The following TPD52L1 variants were observed in gnomAD, a reference collection of about 807,000 sequenced individuals.
TPD52L1 encodes the protein TPD52 like 1.
TPD52L1 carries 18 observed loss-of-function variants against 28.7 expected under a neutral mutation model. The observed-to-expected ratio is 0.63, with a 90% CI of 0.43 to 0.93. The LOEUF is 0.93. TPD52L1 is among the 40% of genes least tolerant of loss of function. TPD52L1 has a pLI of 0.00. For synonymous variants in TPD52L1, 75 were observed against 88.8 expected (o/e 0.84, Z 0.88); for missense variants, 203 against 254.8 (o/e 0.80, Z 1.39).
chr6:125,251,954 C>T, intron 4 of TPD52L1: 1 of 1,504,422 alleles, frequency 6.6e-7, no homozygotes, highest in Non-Finnish European at 8.9e-7. Context: ...AAGGGCAGTG[C>T]AGTGTTTCTC....
At chr6:125,219,424 C>T (rs888910266) in intron 1 of TPD52L1, among the ~76,000 whole-genome samples, 6 of 152,218 alleles carry the variant, frequency 3.9e-5, no homozygotes, top group African/African-American at 1.2e-4. Context: ...CCAACTGCTT[C>T]GAGCCACATC....
Position 125,245,779 on chromosome 6 carries a change from G to C in TPD52L1, c.285-2503G>C, listed in dbSNP as rs144568852. Among the ~76,000 whole-genome samples, 461 of 152,298 alleles carry C rather than the reference G, an allele frequency of 3.0e-3. 2 individuals carry two copies. The highest frequency in any genetic ancestry group is 5.3e-3 in the Non-Finnish European group (360 of 68,028). ...CCTGCAGTGCTCTGCTAATAGAGCC[G>C]AGTTTCCATCCAGGCAGCCTGTGCA... On this transcript the variant is annotated intron_variant, in intron 3 of 6. Coordinates refer to ENST00000534000, the MANE Select transcript of TPD52L1 (RefSeq NM_003287.4).
At chr6:125,189,787 C>A (rs1311145343) in intron 1 of TPD52L1, among the ~76,000 whole-genome samples, 1 of 152,010 alleles carries the variant, frequency 6.6e-6, no homozygotes, top group Non-Finnish European at 1.5e-5. Flanking sequence ...TGAAGGAACT[C>A]GATTTTATTT....
chr6:125,252,083 G>GC (rs1485902545), intron 4 of TPD52L1: 1 of 1,534,826 alleles, frequency 6.5e-7, no homozygotes, highest in Non-Finnish European at 8.7e-7. Context: ...CTCCCTTGCT[G>GC]CCCCTTTGCT....
intron 1 of TPD52L1, among the ~76,000 whole-genome samples, chr6:125,163,636 G>A (rs1790674804): frequency 6.7e-6 from 1 of 150,238 alleles, no homozygotes. Flanking sequence ...TATTTAATAA[G>A]TACAACAGGC....
intron 5 of TPD52L1, 161 bp downstream of exon 5, chr6:125,253,916 T>C (rs1254419763): frequency 2.5e-6 from 2 of 804,136 alleles, no homozygotes; most frequent in African/African-American, 1.7e-5. Flanking sequence ...ATTGCGTAGC[T>C]TGGGCTTTTG....
intron 1 of TPD52L1, among the ~76,000 whole-genome samples, chr6:125,216,531 A>G (rs1317279854): frequency 3.9e-3 from 37 of 9,590 alleles, no homozygotes; most frequent in Middle Eastern, 0.038. Flanking sequence ...ATGTGTGTGT[A>G]TATATATATA....
At chr6:125,242,484 C>T (rs1359246308) in intron 3 of TPD52L1, among the ~76,000 whole-genome samples, 1 of 152,056 alleles carries the variant, frequency 6.6e-6, no homozygotes, top group Non-Finnish European at 1.5e-5. Context: ...GTATTCGGTG[C>T]ATATGTATTT....
At chr6:125,155,576 G>A (rs2114720171) in intron 1 of TPD52L1, among the ~76,000 whole-genome samples, 1 of 152,338 alleles carries the variant, frequency 6.6e-6, no homozygotes, top group South Asian at 2.1e-4. Context: ...GAAGAGCAAA[G>A]ACAGACTTGG....
chr6:125,203,782 G>A (rs1009554277), intron 1 of TPD52L1: 1 of 985,270 alleles, frequency 1.0e-6, no homozygotes, highest in Non-Finnish European at 1.2e-6. Context: ...CCATCTGTAA[G>A]GAACCTAAGT....
intron 3 of TPD52L1, among the ~76,000 whole-genome samples, chr6:125,232,228 A>G (rs1795997475): frequency 6.6e-6 from 1 of 152,192 alleles, no homozygotes; most frequent in Non-Finnish European, 1.5e-5. Flanking sequence ...TTAGGAATGA[A>G]GTGAACTTTC....
intron 1 of TPD52L1, among the ~76,000 whole-genome samples, chr6:125,213,779 A>T (rs1475459770): frequency 6.6e-6 from 1 of 152,190 alleles, no homozygotes; most frequent in African/African-American, 2.4e-5. Flanking sequence ...GGTGTGGGAT[A>T]GCCTGAAGGA....
chr6:125,190,298 T>C (rs751848017), intron 1 of TPD52L1, among the ~76,000 whole-genome samples: 1 of 152,058 alleles, frequency 6.6e-6, no homozygotes, highest in Non-Finnish European at 1.5e-5. Flanking sequence ...GGTGGTCCAT[T>C]TTCTGTTAGG....
intron 1 of TPD52L1, among the ~76,000 whole-genome samples, chr6:125,175,683 T>G (rs557768929): frequency 6.6e-6 from 1 of 152,288 alleles, no homozygotes; most frequent in Admixed American, 6.5e-5. Flanking sequence ...CAAGAGATGC[T>G]TCTAATGTTT....
In TPD52L1 at chr6:125,263,477, T is replaced by C. The variant is rs1562420139; in HGVS notation, c.*515T>C. ...AATTATGTATGTTAATTTCAGCAAT[T>C]AAAAGAATTGATTTTAATGACTTTG... On this transcript the variant is annotated 3_prime_UTR_variant, in exon 7 of 7. Coordinates refer to ENST00000534000, the MANE Select transcript of TPD52L1 (RefSeq NM_003287.4). 6.6e-6 allele frequency: 1 copy of C among 152,316 alleles called. No homozygotes were observed. The highest frequency in any genetic ancestry group is 2.4e-5 in the African/African-American group (1 of 41,464). 9.4% of individuals were successfully genotyped at this position (152,316 alleles called of 1,614,324 possible). A position where few individuals can be genotyped will look rare whatever the true frequency, so the allele number is the denominator to read the frequency against.
intron 1 of TPD52L1, among the ~76,000 whole-genome samples, chr6:125,159,805 A>G (rs749036601): frequency 1.3e-5 from 2 of 152,150 alleles, no homozygotes; most frequent in Non-Finnish European, 2.9e-5. Context: ...CTCTTTGTAC[A>G]TCTCCATCAG....
chr6:125,238,944 T>G (rs1011181990), intron 3 of TPD52L1, among the ~76,000 whole-genome samples: 1 of 152,224 alleles, frequency 6.6e-6, no homozygotes, highest in African/African-American at 2.4e-5. Flanking sequence ...AATATGCATG[T>G]GTAAGTGTCT....
At chr6:125,169,343 T>C (rs1791127059) in intron 1 of TPD52L1, among the ~76,000 whole-genome samples, 1 of 152,142 alleles carries the variant, frequency 6.6e-6, no homozygotes, top group South Asian at 2.1e-4. Flanking sequence ...CCAAAATTTA[T>C]TTTTCCTGCC....
At chr6:125,213,381 T>C (rs756757944) in intron 1 of TPD52L1, among the ~76,000 whole-genome samples, 1 of 152,086 alleles carries the variant, frequency 6.6e-6, no homozygotes, top group Non-Finnish European at 1.5e-5. Context: ...TCTGCTTGTA[T>C]GGCTCTTCAG....
Sources: allele counts gnomAD v4.1 joint callset (sites outside exome capture counted in the v4.1 genomes callset), GRCh38; gene constraint gnomAD v4.1.1; transcripts MANE v1.5; gene names NCBI Gene and HGNC (gene_info 2026-07-23, HGNC 2026-07-21).